PLCG2: variants seen among roughly 807,000 people sequenced by gnomAD.
PLCG2 encodes 1-phosphatidylinositol 4,5-bisphosphate phosphodiesterase gamma-2.
PLCG2 carries 69 observed loss-of-function variants against 175.6 expected under a neutral mutation model. That is an observed-to-expected ratio of 0.39 (90% CI 0.32 to 0.48). The LOEUF is 0.48. PLCG2 is among the 20% of genes least tolerant of loss of function. PLCG2 has a pLI of 0.91. For synonymous variants in PLCG2, 827 were observed against 624.0 expected (o/e 1.33, Z -4.85); for missense variants, 1,798 against 1,650.9 (o/e 1.09, Z -1.54).
At chr16:81,783,606 C>T (rs968375625) in intron 1 of PLCG2, among the ~76,000 whole-genome samples, 2 of 152,138 alleles carry the variant, frequency 1.3e-5, no homozygotes, top group African/African-American at 4.8e-5. Flanking sequence ...GTAATGTGAC[C>T]TCTTGGGATT....
intron 14 of PLCG2, among the ~76,000 whole-genome samples, chr16:81,904,695 C>G (rs1403043997): frequency 6.6e-6 from 1 of 152,220 alleles, no homozygotes; most frequent in African/African-American, 2.4e-5. Flanking sequence ...CACTTACTGT[C>G]TGCTAAGTGC....
chr16:81,927,290 C>T (rs1220949650), intron 23 of PLCG2, 112 bp downstream of exon 23: 2 of 723,702 alleles, frequency 2.8e-6, no homozygotes, highest in Non-Finnish European at 4.9e-6. Flanking sequence ...CTTGTGGTCT[C>T]TGTGGAGCTC....
intron 5 of PLCG2, among the ~76,000 whole-genome samples, chr16:81,868,769 C>G (rs1297405575): frequency 1.3e-5 from 2 of 152,246 alleles, no homozygotes; most frequent in African/African-American, 4.8e-5. Flanking sequence ...ATTTTCTGCC[C>G]ACACTGAATC....
chr16:81,931,559 G>A lies in PLCG2; in HGVS notation c.2644G>A (p.Gly882Ser), dbSNP rs1310859330. 2 of 1,614,090 alleles carry A rather than the reference G, an allele frequency of 1.2e-6. No individual in the cohort carries two copies. The highest frequency in any genetic ancestry group is 2.2e-5 in the East Asian group (1 of 44,860). Residue 882 changes from glycine (G) to serine (S), a missense_variant, in exon 25 of 33, where the codon GGC (glycine) becomes AGC (serine). By Grantham distance (56) the Gly-to-Ser change is moderately conservative. Transcript: ENST00000564138. ...CTTCATCCTGGAGCCCAAGCAGCAG[G>A]GCGATCCTCCGGTGGAGTTTGCCAC... ...FVFILEPKQQ[G>S]DPPVEFATDR... is the part of the protein sequence containing the mutation.
intron 29 of PLCG2, 81 bp downstream of exon 29, chr16:81,938,996 T>C: frequency 1.3e-6 from 1 of 789,192 alleles, no homozygotes; most frequent in South Asian, 1.5e-5. Flanking sequence ...GTGGGGGATT[T>C]TGCAATGCTC....
intron 10 of PLCG2, among the ~76,000 whole-genome samples, chr16:81,890,314 G>A (rs368136839): frequency 7.2e-5 from 11 of 152,272 alleles, no homozygotes; most frequent in East Asian, 3.9e-4. Context: ...TGGGGGAAGG[G>A]CTGGTATTTA....
chr16:81,772,633 A>C (rs1381376946), intron 2 of PLCG2, among the ~76,000 whole-genome samples: 2 of 145,518 alleles, frequency 1.4e-5, no homozygotes, highest in Non-Finnish European at 3.0e-5. Flanking sequence ...AACATGGTGA[A>C]ACCCTGTTTC....
intron 2 of PLCG2, among the ~76,000 whole-genome samples, chr16:81,758,760 C>A (rs1269629831): frequency 1.3e-5 from 2 of 151,694 alleles, no homozygotes; most frequent in East Asian, 1.9e-4. Flanking sequence ...TCACTGCAAC[C>A]TTTGCCTCCC....
At chr16:81,855,299 T>C (rs1282356548) in intron 3 of PLCG2, among the ~76,000 whole-genome samples, 1 of 152,196 alleles carries the variant, frequency 6.6e-6, no homozygotes, top group Non-Finnish European at 1.5e-5. Context: ...TGAGATCTTC[T>C]GTTGCACACA....
At chr16:81,895,780 T>C in intron 12 of PLCG2, 27 bp from the exon 13 acceptor site, 9 of 1,613,852 alleles carry the variant, frequency 5.6e-6, no homozygotes, top group Non-Finnish European at 5.1e-6. Context: ...ACACGTGGTA[T>C]TGAGGCTGCC....
chr16:81,858,461 G>GT (rs570155951), intron 4 of PLCG2, 105 bp downstream of exon 4: 3 of 814,128 alleles, frequency 3.7e-6, no homozygotes, highest in East Asian at 2.5e-5. Flanking sequence ...AGGGACATTG[G>GT]TTTTTTGAGG....
intron 8 of PLCG2, 27 bp from the exon 9 acceptor site, chr16:81,883,242 A>G (rs1430046589): frequency 1.9e-6 from 3 of 1,607,694 alleles, no homozygotes; most frequent in Admixed American, 3.3e-5. Context: ...GTCTGTCTCT[A>G]ACTGCACCCC....
chr16:81,932,543 C>T (rs896317638), intron 25 of PLCG2, among the ~76,000 whole-genome samples: 20 of 152,214 alleles, frequency 1.3e-4, no homozygotes, highest in African/African-American at 4.8e-4. Flanking sequence ...CCTCTTGTGC[C>T]CTCTGACTTC....
At chr16:81,892,183 C>T (rs1390839994) in intron 11 of PLCG2, among the ~76,000 whole-genome samples, 1 of 152,220 alleles carries the variant, frequency 6.6e-6, no homozygotes, top group Non-Finnish European at 1.5e-5. Context: ...GGCTGGAGTG[C>T]AGAATCCAGG....
intron 8 of PLCG2, among the ~76,000 whole-genome samples, chr16:81,882,820 G>A (rs1365545763): frequency 2.0e-5 from 3 of 151,984 alleles, no homozygotes; most frequent in African/African-American, 7.3e-5. Context: ...TGGAGCTCAA[G>A]TAGGTGCCTT....
At chr16:81,950,402 T>C (rs1911319382) in intron 31 of PLCG2, among the ~76,000 whole-genome samples, 1 of 152,210 alleles carries the variant, frequency 6.6e-6, no homozygotes, top group South Asian at 2.1e-4. Context: ...AATAGCATAG[T>C]ACCTAAGTAT....
chr16:81,846,688 A>G (rs977992306), intron 2 of PLCG2, among the ~76,000 whole-genome samples: 5 of 152,228 alleles, frequency 3.3e-5, no homozygotes, highest in African/African-American at 1.2e-4. Context: ...TATTTTCAAG[A>G]TATCAGTTCT....
chr16:81,911,195 A>C (rs1196713989), intron 18 of PLCG2, among the ~76,000 whole-genome samples: 1 of 152,164 alleles, frequency 6.6e-6, no homozygotes, highest in African/African-American at 2.4e-5. Flanking sequence ...AGCTGCAAAA[A>C]TGTCCATTTC....
intron 2 of PLCG2, among the ~76,000 whole-genome samples, chr16:81,768,900 A>G (rs1910212780): frequency 6.6e-6 from 1 of 151,966 alleles, no homozygotes; most frequent in Non-Finnish European, 1.5e-5. Context: ...AACCATTTTA[A>G]TAGGTGCGTA....
Sources: gnomAD v4.1 joint callset for allele counts (sites outside exome capture counted in the v4.1 genomes callset) on GRCh38, gnomAD v4.1.1 for gene constraint, MANE v1.5 for transcripts, NCBI Gene and HGNC (gene_info 2026-07-23, HGNC 2026-07-21) for gene names.